DGKH: variants seen among roughly 807,000 people sequenced by gnomAD.
DGKH encodes DAG kinase eta.
A neutral mutation model predicts 159.3 loss-of-function variants in DGKH; 90 were observed. That is an observed-to-expected ratio of 0.57 (90% CI 0.48 to 0.67). The LOEUF is 0.67. Ranked by LOEUF, DGKH falls within the 30% of genes least tolerant of loss-of-function variation. The probability of loss-of-function intolerance (pLI) is 0.00; values close to 1 mark genes in which losing one functional copy is unlikely to be tolerated. For missense variants in DGKH, 1,181 were observed against 1,506.1 expected, an observed-to-expected ratio of 0.78 and a Z score of 3.57; for synonymous variants, 536 against 553.8, an observed-to-expected ratio of 0.97 and a Z score of 0.45.
chr13:42,225,693 A>G (rs1594242870), intron 29 of DGKH, among the ~76,000 whole-genome samples: 1 of 151,912 alleles, frequency 6.6e-6, no homozygotes, highest in African/African-American at 2.4e-5. Flanking sequence ...GGATCGCTTG[A>G]ACCCAGGAGG....
At chr13:42,171,750 C>A (rs1410176780) in intron 11 of DGKH, among the ~76,000 whole-genome samples, 1 of 152,050 alleles carries the variant, frequency 6.6e-6, no homozygotes. Flanking sequence ...GTTTCCAGAC[C>A]CTGTGACTTT....
At chr13:42,244,209 G>A (rs562112550), downstream of DGKH, among the ~76,000 whole-genome samples, 1 of 152,318 alleles carries the variant, frequency 6.6e-6, no homozygotes, top group South Asian at 2.1e-4. Context: ...AGATCTGAGA[G>A]TCATTGCCAT....
At chr13:42,196,176 ATTAGAAC>A (rs1957199571) in intron 17 of DGKH, among the ~76,000 whole-genome samples, 1 of 152,226 alleles carries the variant, frequency 6.6e-6, no homozygotes, top group African/African-American at 2.4e-5. Flanking sequence ...ATGTGAAGAA[ATTAGAAC>A]TTTCATGCAT....
chr13:42,041,196 G>A (rs1422540503), intron 1 of DGKH, among the ~76,000 whole-genome samples: 2 of 152,150 alleles, frequency 1.3e-5, no homozygotes, highest in African/African-American at 4.8e-5. Flanking sequence ...CGGCTTCACC[G>A]ACTCCTCAAC....
chr13:42,081,481 T>A (rs1266145594), intron 1 of DGKH, among the ~76,000 whole-genome samples: 1 of 152,208 alleles, frequency 6.6e-6, no homozygotes, highest in Non-Finnish European at 1.5e-5. Flanking sequence ...CCACCTGCCT[T>A]GGTTTCCCAA....
intron 1 of DGKH, among the ~76,000 whole-genome samples, chr13:42,055,293 T>C (rs181540941): frequency 9.8e-4 from 149 of 152,352 alleles, no homozygotes; most frequent in African/African-American, 3.5e-3. Flanking sequence ...ATCTAATCTT[T>C]GTAGAACATT....
At chr13:42,245,861 G>A (rs1427820596), downstream of DGKH, among the ~76,000 whole-genome samples, 1 of 152,186 alleles carries the variant, frequency 6.6e-6, no homozygotes, top group African/African-American at 2.4e-5. Context: ...GGGATTACAG[G>A]TGTGAGCCAT....
In DGKH at chr13:42,235,049, G is replaced by C. The variant is rs931257774; in HGVS notation, c.*5861G>C. ...AAAACTATAAAGTTTTATCATTGTA[G>C]AGAACAGAGAGATCAAAGACAGCTG... is the stretch of plus-strand genomic sequence containing the variant. On this transcript the variant is annotated 3_prime_UTR_variant, in exon 30 of 30. Transcript: ENST00000337343. 3.9e-5 allele frequency: 6 copies of C among 152,080 alleles called. No homozygotes were observed. The highest frequency in any genetic ancestry group is 1.4e-4 in the African/African-American group (6 of 41,402). The allele number at this position is 152,080 out of a possible 1,614,324, so 9.4% of individuals were successfully genotyped here. A position where few individuals can be genotyped will look rare whatever the true frequency, so the allele number is the denominator to read the frequency against.
intron 25 of DGKH, among the ~76,000 whole-genome samples, chr13:42,215,180 T>C (rs965980241): frequency 1.3e-5 from 2 of 152,046 alleles, no homozygotes; most frequent in African/African-American, 2.4e-5. Flanking sequence ...AATTATTTGA[T>C]TGAAGTTACT....
intron 29 of DGKH, among the ~76,000 whole-genome samples, chr13:42,251,736 C>G (rs1011109408): frequency 6.6e-6 from 1 of 152,188 alleles, no homozygotes; most frequent in East Asian, 1.9e-4. Flanking sequence ...TAAAGTCTCA[C>G]GGGGACCCTC....
At chr13:42,157,227 A>G (rs566431714) in intron 5 of DGKH, among the ~76,000 whole-genome samples, 2 of 152,332 alleles carry the variant, frequency 1.3e-5, no homozygotes, top group Admixed American at 1.3e-4. Flanking sequence ...AAGGATTCAC[A>G]TAGAGCTGAA....
rs1013518128 is a variant in DGKH at position 42,189,083 on chromosome 13, C to A, written c.1686C>A (p.His562Gln). The A allele has an allele frequency of 6.2e-7, 1 of 1,614,054 alleles. No individual in the cohort carries two copies. Among genetic ancestry groups the A allele is most frequent in the Non-Finnish European group, 8.5e-7 (1 of 1,179,990 alleles). Residue 562 changes from histidine to glutamine, a missense_variant, in exon 15 of 30, where the codon CAC (histidine) becomes CAA (glutamine). Physicochemically the swap from His to Gln is conservative, Grantham distance 24 (BLOSUM62 0). Around this residue, in one of 5 missense-constraint regions of DGKH, gnomAD observed 257 missense variants for 281.5 expected, o/e 0.91. Coordinates refer to ENST00000337343, the MANE Select transcript of DGKH (RefSeq NM_178009.5). ...EKLEQLLQAL[H>Q]TDSQAAPVLP... ...TCGAACAACTGCTGCAGGCTTTGCA[C>A]ACAGATTCCCAGGCTGCGCCTGTTC...
intron 1 of DGKH, among the ~76,000 whole-genome samples, chr13:42,081,147 G>A (rs1027346836): frequency 6.6e-6 from 1 of 151,982 alleles, no homozygotes; most frequent in Non-Finnish European, 1.5e-5. Flanking sequence ...GTTGCCAAAT[G>A]AATTTTCCAA....
intron 1 of DGKH, among the ~76,000 whole-genome samples, chr13:42,049,173 C>CGGGCG (rs1555254807): frequency 1.4e-4 from 1 of 7,094 alleles, no homozygotes; most frequent in Non-Finnish European, 2.8e-4. Flanking sequence ...GCCTGGGGCG[C>CGGGCG]GGGCGGGGCG....
At chr13:42,144,384 G>C (rs1364837201) in intron 3 of DGKH, among the ~76,000 whole-genome samples, 3 of 152,080 alleles carry the variant, frequency 2.0e-5, no homozygotes, top group Non-Finnish European at 4.4e-5. Flanking sequence ...AAATCTTAGG[G>C]TGAAGGTAAG....
intron 1 of DGKH, among the ~76,000 whole-genome samples, chr13:42,050,550 G>C (rs1049141440): frequency 2.0e-5 from 3 of 152,186 alleles, no homozygotes; most frequent in African/African-American, 7.2e-5. Context: ...AGTAAATTAA[G>C]AATATGGCAT....
upstream of DGKH, among the ~76,000 whole-genome samples, chr13:42,047,639 C>T (rs1033231857): frequency 5.3e-5 from 8 of 152,196 alleles, no homozygotes; most frequent in Admixed American, 3.3e-4. Flanking sequence ...GCTGCCAGTC[C>T]GCGGTTCCCA....
intron 1 of DGKH, among the ~76,000 whole-genome samples, chr13:42,060,530 T>C (rs1489046717): frequency 6.6e-6 from 1 of 152,238 alleles, no homozygotes; most frequent in Non-Finnish European, 1.5e-5. Context: ...CTCCACAGCT[T>C]TTATGTCCTG....
intron 5 of DGKH, among the ~76,000 whole-genome samples, chr13:42,156,234 T>C (rs994645780): frequency 2.0e-5 from 3 of 152,180 alleles, no homozygotes; most frequent in Admixed American, 6.5e-5. Context: ...AAATAAGGCC[T>C]ATGCTGTTGT....
Sources: gnomAD v4.1 joint callset for allele counts (sites outside exome capture counted in the v4.1 genomes callset) on GRCh38, gnomAD v4.1.1 for gene constraint, gnomAD v4.1.1 regional missense constraint, MANE v1.5 for transcripts, NCBI Gene and HGNC (gene_info 2026-07-23, HGNC 2026-07-21) for gene names.